The following SERHL2 variants were observed in gnomAD, a reference collection of about 807,000 sequenced individuals.
SERHL2 encodes the protein serine hydrolase-like protein 2.
A neutral mutation model predicts 25.5 loss-of-function variants in SERHL2; 29 were observed. The ratio of observed to expected loss-of-function variants is 1.14; its 90% CI spans 0.85 to 1.55. SERHL2 has a LOEUF of 1.55. Ranked by LOEUF, SERHL2 falls within the 40% of genes most tolerant of loss-of-function variation. The pLI, the probability that SERHL2 is intolerant of heterozygous loss-of-function variation, is 0.00. For missense variants in SERHL2, 240 were observed against 252.3 expected, an observed-to-expected ratio of 0.95 and a Z score of 0.33; for synonymous variants, 95 against 103.5, an observed-to-expected ratio of 0.92 and a Z score of 0.50.
intron 11 of SERHL2, chr22:42,572,777 G>T (rs1924414927): frequency 2.1e-6 from 2 of 951,934 alleles, no homozygotes; most frequent in Non-Finnish European, 2.5e-6. Context: ...CTACTCTCGT[G>T]CCTCAGCCTC....
chr22:42,571,184 G>T lies in SERHL2; in HGVS notation c.712G>T (p.Ala238Ser). 6.2e-7 allele frequency: 1 copy of T among 1,613,452 alleles called. No individual in the cohort carries two copies. The highest frequency in any genetic ancestry group is 8.5e-7 in the Non-Finnish European group (1 of 1,179,654). Residue 238 changes from alanine to serine, a missense_variant, in exon 10 of 12, where the codon GCC becomes TCC. By Grantham distance (99) the Ala-to-Ser change is moderately conservative. This residue lies in a region of SERHL2 where 212 missense variants were observed against 168.9 expected (regional missense o/e 1.25). Coordinates refer to ENST00000327678, the MANE Select transcript of SERHL2 (RefSeq NM_014509.5). ...TGCGCATTCCATCAGGAAGCTGCAG[G>T]CCCATGTCCTGTTGATCAAGTAAGT... ...LCAHSIRKLQ[A>S]HVLLIKAVHG...
intron 9 of SERHL2, chr22:42,569,534 A>G (rs1028660474): frequency 2.0e-5 from 3 of 151,896 alleles, no homozygotes; most frequent in African/African-American, 4.8e-5. Flanking sequence ...TGGTGGGATT[A>G]CAGGCGTGAG....
intron 9 of SERHL2, 57 bp downstream of exon 9, chr22:42,566,395 G>T: frequency 6.3e-7 from 1 of 1,581,940 alleles, no homozygotes. Context: ...CGTCTTTGTC[G>T]TTTTTGAAAA....
intron 9 of SERHL2, among the ~76,000 whole-genome samples, chr22:42,567,353 CTTTT>C (rs1332038831): frequency 1.3e-5 from 2 of 151,682 alleles, no homozygotes; most frequent in African/African-American, 4.9e-5. Flanking sequence ...TTCTTTTTTT[CTTTT>C]TTGTGTTTTA....
intron 9 of SERHL2, among the ~76,000 whole-genome samples, chr22:42,568,386 C>T (rs1923700352): frequency 6.6e-6 from 1 of 150,912 alleles, no homozygotes; most frequent in Non-Finnish European, 1.5e-5. Flanking sequence ...CCCACTAAGG[C>T]TCACTCACTG....
intron 9 of SERHL2, among the ~76,000 whole-genome samples, chr22:42,570,694 C>G (rs1001558014): frequency 3.3e-5 from 5 of 152,142 alleles, no homozygotes; most frequent in African/African-American, 9.6e-5. Flanking sequence ...AAGTTTCTTC[C>G]TCCTGGCAAG....
intron 8 of SERHL2, among the ~76,000 whole-genome samples, chr22:42,564,260 G>A (rs1412764193): frequency 6.6e-6 from 1 of 151,236 alleles, no homozygotes; most frequent in African/African-American, 2.4e-5. Flanking sequence ...TTTCCAGATG[G>A]CTCCTCAGGT....
intron 8 of SERHL2, among the ~76,000 whole-genome samples, chr22:42,561,767 GT>G (rs1922713336): frequency 6.6e-6 from 1 of 151,824 alleles, no homozygotes; most frequent in Non-Finnish European, 1.5e-5. Flanking sequence ...CGGGTCGCCA[GT>G]TTGGGACCAG....
intron 5 of SERHL2, 117 bp from the exon 6 acceptor site, chr22:42,556,397 C>T (rs922362490): frequency 1.2e-6 from 1 of 849,050 alleles, no homozygotes; most frequent in African/African-American, 1.6e-5. Flanking sequence ...GCCTCTTGGT[C>T]AGCACCCTCC....
Position 42,574,040 on chromosome 22 carries a change from C to A in SERHL2, c.930C>A (p.Leu310=), listed in dbSNP as rs1440862764. 1.2e-6 allele frequency: 2 copies of A among 1,612,052 alleles called. No individual in the cohort carries two copies. Among genetic ancestry groups the A allele is most frequent in the South Asian group, 2.2e-5 (2 of 91,026 alleles). Residue 310 remains leucine (L), a synonymous_variant, in exon 12 of 12, where the codon CTC becomes CTA. Transcript: ENST00000327678. ...CCTTCTTACAGTGCACACACATGCT[C>A]CCAGCCCAGCTGTAGCTCTGGGCCT... The part of the protein sequence containing the change: ...ISSFLQCTHM[L]PAQL
At chr22:42,568,528 G>A (rs1569281710) in intron 9 of SERHL2, among the ~76,000 whole-genome samples, 1 of 151,956 alleles carries the variant, frequency 6.6e-6, no homozygotes, top group Non-Finnish European at 1.5e-5. Flanking sequence ...TCTGTAGTGG[G>A]AGCTGTGATC....
chr22:42,561,082 T>A (rs1922622925), intron 8 of SERHL2, among the ~76,000 whole-genome samples: 1 of 151,872 alleles, frequency 6.6e-6, no homozygotes, highest in Non-Finnish European at 1.5e-5. Flanking sequence ...CCTAGATTCT[T>A]GGAAGAGAAG....
Position 42,556,444 on chromosome 22 carries a change from C to T in SERHL2, c.349-70C>T, listed in dbSNP as rs1241514962. 344 of 1,601,550 alleles carry T rather than the reference C, an allele frequency of 2.1e-4. 1 individual carries two copies. Among genetic ancestry groups the T allele is most frequent in the Non-Finnish European group, 2.9e-4 (335 of 1,172,540 alleles). On this transcript the variant is annotated intron_variant, in intron 5 of 11. Transcript: ENST00000327678. ...AAGATGTTTCGGGGAACTCCAGGGT[C>T]CCCAGGGAAAGGCGGGAGTGTCCTT...
chr22:42,569,854 TG>T, intron 9 of SERHL2: 1 of 146,946 alleles, frequency 6.8e-6, no homozygotes, highest in Non-Finnish European at 1.5e-5. Flanking sequence ...TGTGTGTGTG[TG>T]TGTGTGTGTG....
At chr22:42,571,417 G>T in intron 10 of SERHL2, 1 of 1,395,976 alleles carries the variant, frequency 7.2e-7, no homozygotes, top group Non-Finnish European at 9.3e-7. Context: ...GGATGGGCCG[G>T]GGCTGTCCCA....
intron 9 of SERHL2, chr22:42,569,413 C>G (rs1923854000): frequency 6.6e-6 from 1 of 151,798 alleles, no homozygotes; most frequent in Non-Finnish European, 1.5e-5. Context: ...CGCCTGACAC[C>G]ATGCCCAGCT....
intron 9 of SERHL2, among the ~76,000 whole-genome samples, chr22:42,567,958 G>A (rs1411945315): frequency 6.6e-6 from 1 of 151,600 alleles, no homozygotes; most frequent in Non-Finnish European, 1.5e-5. Flanking sequence ...TCGAACTCCT[G>A]ACCTCAGGTG....
At chr22:42,563,601 T>C (rs957026122) in intron 8 of SERHL2, 1 of 183,692 alleles carries the variant, frequency 5.4e-6, no homozygotes, top group Non-Finnish European at 1.2e-5. Context: ...TGCATACAGG[T>C]TGCAGATAAT....
At chr22:42,571,797 C>T (rs1924234862) in intron 10 of SERHL2, 1 of 156,152 alleles carries the variant, frequency 6.4e-6, no homozygotes, top group Non-Finnish European at 1.4e-5. Context: ...GCCTTTAAAA[C>T]ATCGCGCTAA....
Sources: allele counts gnomAD v4.1 joint callset (sites outside exome capture counted in the v4.1 genomes callset), GRCh38; gene constraint gnomAD v4.1.1; regional missense constraint gnomAD v4.1.1; transcripts MANE v1.5; gene names NCBI Gene and HGNC (gene_info 2026-07-23, HGNC 2026-07-21).